Variants in MGAT5 observed in about 807,000 individuals in gnomAD.
MGAT5 encodes the protein alpha-1,6-mannosylglycoprotein 6-beta-N-acetylglucosaminyltransferase A.
Under a neutral mutation model 94.3 loss-of-function variants are expected in MGAT5, and 30 were observed. The observed-to-expected ratio is 0.32, with a 90% CI of 0.24 to 0.43. The LOEUF is 0.43. Among genes scored for constraint, MGAT5 ranks in the 20% least tolerant of loss-of-function variants. The pLI, the probability that MGAT5 is intolerant of heterozygous loss-of-function variation, is 1.00. For missense variants in MGAT5, 691 were observed against 905.5 expected, an observed-to-expected ratio of 0.76 and a Z score of 3.04; for synonymous variants, 310 against 322.9, an observed-to-expected ratio of 0.96 and a Z score of 0.43.
At chr2:134,361,945 C>T (rs1203503472) in intron 9 of MGAT5, among the ~76,000 whole-genome samples, 1 of 152,214 alleles carries the variant, frequency 6.6e-6, no homozygotes, top group Non-Finnish European at 1.5e-5. Flanking sequence ...TGGGTGAAAG[C>T]ATTTCTGCTG....
At chr2:134,313,229 C>G (rs1185576402) in intron 2 of MGAT5, among the ~76,000 whole-genome samples, 1 of 152,118 alleles carries the variant, frequency 6.6e-6, no homozygotes, top group Non-Finnish European at 1.5e-5. Flanking sequence ...GTCTCCACGC[C>G]TCACAGGAAC....
At chr2:134,289,469 A>G (rs929781707) in intron 2 of MGAT5, among the ~76,000 whole-genome samples, 1 of 152,128 alleles carries the variant, frequency 6.6e-6, no homozygotes, top group East Asian at 1.9e-4. Context: ...TGTTGTGTGC[A>G]TGTAGATGTT....
intron 1 of MGAT5, among the ~76,000 whole-genome samples, chr2:134,234,031 G>C (rs1681506328): frequency 6.6e-6 from 1 of 152,238 alleles, no homozygotes; most frequent in South Asian, 2.1e-4. Context: ...CAGAACGCTA[G>C]ATGCTATGTC....
intron 1 of MGAT5, among the ~76,000 whole-genome samples, chr2:134,121,431 G>A (rs1233522679): frequency 1.3e-5 from 2 of 152,232 alleles, no homozygotes. Context: ...CCGCGCGGAA[G>A]AGCCGAAGAG....
intron 1 of MGAT5, among the ~76,000 whole-genome samples, chr2:134,151,877 C>CTCAT (rs1687208571): frequency 3.7e-5 from 5 of 135,466 alleles, no homozygotes; most frequent in South Asian, 2.5e-4. Context: ...ACCTCACTCA[C>CTCAT]GCCCTGTGGG....
chr2:134,256,993 CTG>C (rs924273284), intron 1 of MGAT5, among the ~76,000 whole-genome samples: 10 of 152,120 alleles, frequency 6.6e-5, no homozygotes, highest in African/African-American at 2.4e-4. Flanking sequence ...TCATTTGGTG[CTG>C]TTGACTTTTG....
intron 1 of MGAT5, among the ~76,000 whole-genome samples, chr2:134,260,535 C>T (rs1010631606): frequency 7.2e-5 from 11 of 152,148 alleles, no homozygotes; most frequent in Non-Finnish European, 5.9e-5. Flanking sequence ...GTGTTTCCTT[C>T]CACCTCTCTT....
chr2:134,452,137 C>T lies in MGAT5; in HGVS notation c.*3290C>T, dbSNP rs1340957732. 2.0e-5 allele frequency: 3 copies of T among 152,328 alleles called. No individual in the cohort carries two copies. The highest frequency in any genetic ancestry group is 1.9e-4 in the East Asian group (1 of 5,184). 9.4% of individuals were successfully genotyped at this position (152,328 alleles called of 1,614,324 possible). A position where few individuals can be genotyped will look rare whatever the true frequency, so the allele number is the denominator to read the frequency against. On this transcript the variant is annotated 3_prime_UTR_variant, in exon 16 of 16. Transcript: ENST00000281923. ...GTAGCTGTTGAAGCTGGACACCAGA[C>T]GCTCCCTATAACCCCCCCGCCAGGC...
chr2:134,252,083 G>A (rs1307920242), upstream of MGAT5, among the ~76,000 whole-genome samples: 1 of 152,174 alleles, frequency 6.6e-6, no homozygotes, highest in Non-Finnish European at 1.5e-5. Context: ...TTTTCTGGTT[G>A]AATAGTATTC....
chr2:134,127,066 G>C, intron 1 of MGAT5: 1 of 154,702 alleles, frequency 6.5e-6, no homozygotes, highest in Middle Eastern at 5.3e-4. Flanking sequence ...GTATTTGTTT[G>C]GTATACTTCC....
At position 134,171,181 on chromosome 2, in the gene MGAT5, C is replaced by T. The variant is rs543404718; in HGVS notation, c.-143+50890C>T. Among the ~76,000 whole-genome samples the T allele has an allele frequency of 4.8e-4, 73 of 152,202 alleles. 1 individual carries two copies. The highest frequency in any genetic ancestry group is 1.7e-3 in the African/African-American group (70 of 41,548). Reference sequence around the variant, plus strand: ...CGGCCGAGATATATTTCCAAAATGGCTTTTTATTGCTTCTTTTGGTTTTAT... The same window carrying T: ...CGGCCGAGATATATTTCCAAAATGGTTTTTTATTGCTTCTTTTGGTTTTAT... On this transcript the variant is annotated intron_variant, in intron 1 of 16. Transcript: ENST00000409645.
chr2:134,144,697 G>T (rs1057171884), intron 1 of MGAT5, among the ~76,000 whole-genome samples: 2 of 152,144 alleles, frequency 1.3e-5, no homozygotes, highest in African/African-American at 4.8e-5. Flanking sequence ...TTATAAGTTG[G>T]CAGTAGTACA....
intron 1 of MGAT5, among the ~76,000 whole-genome samples, chr2:134,133,722 C>G (rs1229221563): frequency 2.0e-5 from 3 of 152,076 alleles, no homozygotes. Context: ...ACCTCAAATC[C>G]ATCTCTCTGA....
intron 4 of MGAT5, among the ~76,000 whole-genome samples, chr2:134,319,049 A>T (rs1378392334): frequency 6.6e-6 from 1 of 152,202 alleles, no homozygotes; most frequent in African/African-American, 2.4e-5. Flanking sequence ...AAGTATATTC[A>T]CATCATTGTG....
intron 10 of MGAT5, among the ~76,000 whole-genome samples, chr2:134,363,349 G>C (rs754783312): frequency 1.3e-5 from 2 of 152,142 alleles, no homozygotes; most frequent in South Asian, 4.1e-4. Flanking sequence ...GTTCAGAAAA[G>C]GAAAAGCAGT....
At chr2:134,289,628 T>C (rs893505319) in intron 2 of MGAT5, among the ~76,000 whole-genome samples, 1 of 152,236 alleles carries the variant, frequency 6.6e-6, no homozygotes, top group Non-Finnish European at 1.5e-5. Flanking sequence ...TCCTACCATA[T>C]GCTGATAAGA....
intron 1 of MGAT5, among the ~76,000 whole-genome samples, chr2:134,147,639 T>C (rs1686983605): frequency 1.3e-5 from 2 of 151,156 alleles, no homozygotes; most frequent in South Asian, 4.2e-4. Context: ...CAGCCTCTAA[T>C]GGAAATTAGC....
chr2:134,151,591 A>G (rs1163361087), intron 1 of MGAT5, among the ~76,000 whole-genome samples: 14 of 86,992 alleles, frequency 1.6e-4, no homozygotes, highest in East Asian at 4.3e-4. Flanking sequence ...CTCACGCCCT[A>G]TGGGACCTGC....
At chr2:134,295,320 G>C (rs910746614) in intron 2 of MGAT5, among the ~76,000 whole-genome samples, 1 of 152,166 alleles carries the variant, frequency 6.6e-6, no homozygotes. Context: ...AAGTGACTAA[G>C]GTTGGCAGTG....
Sources: allele counts gnomAD v4.1 joint callset (sites outside exome capture counted in the v4.1 genomes callset), GRCh38; gene constraint gnomAD v4.1.1; transcripts MANE v1.5; gene names NCBI Gene and HGNC (gene_info 2026-07-23, HGNC 2026-07-21).